The following CDH23 variants were observed in gnomAD, a reference collection of about 807,000 sequenced individuals.
The protein encoded by CDH23 is cadherin-23.
A neutral mutation model predicts 317.1 loss-of-function variants in CDH23; 189 were observed. The observed-to-expected ratio is 0.60, with a 90% confidence interval of 0.53 to 0.67. The LOEUF is 0.67. Ranked by LOEUF, CDH23 falls within the 30% of genes least tolerant of loss-of-function variation. CDH23 has a pLI of 0.00. For missense variants in CDH23, 4,401 were observed against 4,592.4 expected, an observed-to-expected ratio of 0.96 and a Z score of 1.20; for synonymous variants, 1,839 against 1,876.8, an observed-to-expected ratio of 0.98 and a Z score of 0.52.
chr10:71,478,316 G>T (rs960177214), intron 3 of CDH23, among the ~76,000 whole-genome samples: 2 of 152,156 alleles, frequency 1.3e-5, no homozygotes, highest in East Asian at 1.9e-4. Flanking sequence ...TGTGCCTGGA[G>T]ATTCACAGTT....
At chr10:71,409,269 C>T (rs868167583) in intron 1 of CDH23, among the ~76,000 whole-genome samples, 11 of 152,226 alleles carry the variant, frequency 7.2e-5, no homozygotes, top group Middle Eastern at 3.4e-3. Context: ...TAAACTCATC[C>T]AGACCTGACA....
intron 6 of CDH23, among the ~76,000 whole-genome samples, chr10:71,532,719 T>TG (rs1564636326): frequency 1.5e-4 from 6 of 40,932 alleles, no homozygotes; most frequent in African/African-American, 5.2e-4. Flanking sequence ...TTGTTTTTTT[T>TG]TTTTTTTGTT....
In CDH23 at chr10:71,805,837, T is replaced by G; in HGVS notation, c.7904T>G (p.Val2635Gly). 1 of 1,613,712 alleles carries G rather than the reference T, an allele frequency of 6.2e-7. No individual in the cohort carries two copies. Among genetic ancestry groups the G allele is most frequent in the Non-Finnish European group, 8.5e-7 (1 of 1,179,810 alleles). Residue 2635 changes from valine (V) to glycine (G), a missense_variant, in exon 56 of 70, where the codon GTC (valine) becomes GGC (glycine). This residue lies in a region of CDH23 where 1,144 missense variants were observed against 1,138.2 expected (regional missense o/e 1.01). Transcript: ENST00000224721. ...CCGCTGCGCTCCAACGTGTACGAGGTCTACGCCACGGACAAGGATGAGGGC... is the reference window on the plus strand; with the variant it reads ...CCGCTGCGCTCCAACGTGTACGAGGGCTACGCCACGGACAAGGATGAGGGC... ...EIPLRSNVYE[V>G]YATDKDEGLN...
At chr10:71,436,833 G>A (rs1299879190) in intron 1 of CDH23, among the ~76,000 whole-genome samples, 2 of 152,162 alleles carry the variant, frequency 1.3e-5, no homozygotes, top group Admixed American at 1.3e-4. Flanking sequence ...AATGGCAGAG[G>A]GCTGGAGTTT....
rs1304323876 is a variant in CDH23 at position 71,812,552 on chromosome 10, C to A, written c.9453C>A (p.Asp3151Glu). Residue 3151 changes from aspartate to glutamate, a missense_variant, in exon 67 of 70, where the codon GAC becomes GAA. By Grantham distance (45) the Asp-to-Glu change is conservative. Around this residue, in one of 3 missense-constraint regions of CDH23, gnomAD observed 1,144 missense variants for 1,138.2 expected, o/e 1.01. Transcript: ENST00000224721. ...CCGCCCAGGCGGAGCATGAGGATGA[C>A]CTACCGGAGAACCTGAGTGAGATCG... ...ELAAQAEHEDDLPENLSEIAD... is the reference protein window; with the variant it reads ...ELAAQAEHEDELPENLSEIAD... The A allele has an allele frequency of 6.2e-7, 1 of 1,612,634 alleles. No individual in the cohort carries two copies. The highest frequency in any genetic ancestry group is 1.1e-5 in the South Asian group (1 of 91,058).
chr10:71,415,946 A>T (rs1848516177), intron 1 of CDH23, among the ~76,000 whole-genome samples: 1 of 152,258 alleles, frequency 6.6e-6, no homozygotes, highest in Non-Finnish European at 1.5e-5. Context: ...TCATTGTCCC[A>T]CAAGAATAGT....
At chr10:71,584,624 C>A (rs953380022) in intron 9 of CDH23, among the ~76,000 whole-genome samples, 1 of 151,826 alleles carries the variant, frequency 6.6e-6, no homozygotes, top group African/African-American at 2.4e-5. Context: ...ACCTCACACC[C>A]CCCACATATG....
At chr10:71,537,892 C>T (rs922566150) in intron 6 of CDH23, among the ~76,000 whole-genome samples, 2 of 152,156 alleles carry the variant, frequency 1.3e-5, no homozygotes, top group African/African-American at 4.8e-5. Context: ...GAACTGAAGC[C>T]GACTCCTCCC....
chr10:71,425,076 A>T (rs72642224), intron 1 of CDH23, among the ~76,000 whole-genome samples: 4,061 of 151,654 alleles, frequency 0.027, 123 homozygotes, highest in East Asian at 0.079. Context: ...TGGGGTGAGA[A>T]CTCCTATTTG....
chr10:71,781,123 G>T (rs576590803), intron 41 of CDH23, among the ~76,000 whole-genome samples: 1 of 152,292 alleles, frequency 6.6e-6, no homozygotes, highest in African/African-American at 2.4e-5. Context: ...GTATTTGGGA[G>T]TTGTCAGCAT....
At chr10:71,407,701 G>A (rs576122812) in intron 1 of CDH23, among the ~76,000 whole-genome samples, 11 of 152,288 alleles carry the variant, frequency 7.2e-5, no homozygotes, top group South Asian at 6.2e-4. Context: ...TCCGGGTCTC[G>A]ACCCAAGTAA....
At chr10:71,693,519 T>G (rs1379045943) in intron 20 of CDH23, among the ~76,000 whole-genome samples, 1 of 152,246 alleles carries the variant, frequency 6.6e-6, no homozygotes, top group Non-Finnish European at 1.5e-5. Flanking sequence ...CACGATAAGG[T>G]TGGATAGGTT....
intron 13 of CDH23, among the ~76,000 whole-genome samples, chr10:71,646,208 C>T (rs1862848485): frequency 6.9e-6 from 1 of 145,336 alleles, no homozygotes; most frequent in South Asian, 2.4e-4. Flanking sequence ...TTACCAGACT[C>T]CCATCAGGAG....
chr10:71,401,280 C>T (rs1250578384), intron 1 of CDH23, among the ~76,000 whole-genome samples: 1 of 152,188 alleles, frequency 6.6e-6, no homozygotes, highest in Non-Finnish European at 1.5e-5. Flanking sequence ...GTGCCTCCCT[C>T]GCTCACGGTC....
At chr10:71,489,456 G>C (rs1316128695) in intron 3 of CDH23, among the ~76,000 whole-genome samples, 1 of 152,110 alleles carries the variant, frequency 6.6e-6, no homozygotes, top group Non-Finnish European at 1.5e-5. Context: ...ACTGGTATTT[G>C]CAAGCCTCTC....
At chr10:71,537,425 C>T (rs1267427031) in intron 6 of CDH23, among the ~76,000 whole-genome samples, 1 of 152,156 alleles carries the variant, frequency 6.6e-6, no homozygotes, top group Non-Finnish European at 1.5e-5. Context: ...ATTCCTGCCC[C>T]CCTCAAAAAA....
intron 27 of CDH23, 38 bp downstream of exon 27, chr10:71,709,249 G>A (rs1434731300): frequency 6.4e-7 from 1 of 1,570,600 alleles, no homozygotes; most frequent in South Asian, 1.1e-5. Context: ...ACAGTGATCT[G>A]GGCAGAGTTC....
chr10:71,635,023 A>G (rs1377617472), intron 11 of CDH23, among the ~76,000 whole-genome samples: 1 of 152,238 alleles, frequency 6.6e-6, no homozygotes, highest in Non-Finnish European at 1.5e-5. Context: ...GAACCATGTG[A>G]CATGGGCTTG....
intron 11 of CDH23, among the ~76,000 whole-genome samples, chr10:71,640,156 A>G (rs956603040): frequency 1.3e-5 from 2 of 152,194 alleles, no homozygotes; most frequent in African/African-American, 2.4e-5. Context: ...CTCACCAGGT[A>G]GTTAACCAGA....
Sources: allele counts gnomAD v4.1 joint callset (sites outside exome capture counted in the v4.1 genomes callset), GRCh38; gene constraint gnomAD v4.1.1; regional missense constraint gnomAD v4.1.1; transcripts MANE v1.5; gene names NCBI Gene and HGNC (gene_info 2026-07-23, HGNC 2026-07-21).